The following TMEM233 variants were observed in gnomAD, a reference collection of about 807,000 sequenced individuals.
TMEM233 encodes the protein transmembrane protein 233.
A neutral mutation model predicts 11.2 loss-of-function variants in TMEM233; 6 were observed. The observed-to-expected ratio is 0.54, with a 90% CI of 0.29 to 1.06. The LOEUF (loss-of-function observed/expected upper bound fraction) is 1.06. TMEM233 is among the 50% of genes least tolerant of loss of function. TMEM233 has a pLI of 0.08. For missense variants in TMEM233, 127 were observed against 144.7 expected, an observed-to-expected ratio of 0.88 and a Z score of 0.63; for synonymous variants, 59 against 55.8, an observed-to-expected ratio of 1.06 and a Z score of -0.26.
intron 2 of TMEM233, chr12:119,634,157 G>A: frequency 1.6e-6 from 1 of 615,202 alleles, no homozygotes; most frequent in Non-Finnish European, 2.0e-6. Context: ...GCTAGGGAGG[G>A]GAATGAAGTT....
intron 1 of TMEM233, among the ~76,000 whole-genome samples, chr12:119,622,511 T>C (rs1213405564): frequency 1.3e-5 from 2 of 152,226 alleles, no homozygotes; most frequent in African/African-American, 2.4e-5. Context: ...ATGCATTTTC[T>C]CTAAAATCCA....
chr12:119,652,614 T>G, the TMEM233 span, among the ~76,000 whole-genome samples: 1 of 152,166 alleles, frequency 6.6e-6, no homozygotes, highest in Non-Finnish European at 1.5e-5. Context: ...GCCCCCATGG[T>G]GGCTGAAATT....
chr12:119,599,746 T>C (rs1048908424), intron 1 of TMEM233, among the ~76,000 whole-genome samples: 15 of 152,190 alleles, frequency 9.9e-5, no homozygotes, highest in African/African-American at 3.6e-4. Context: ...TATGAAGTCG[T>C]GGAACTGCCA....
intron 1 of TMEM233, among the ~76,000 whole-genome samples, chr12:119,622,729 C>T (rs982255627): frequency 3.3e-5 from 5 of 152,308 alleles, no homozygotes; most frequent in Admixed American, 1.3e-4. Flanking sequence ...CTCTCACTCT[C>T]GTCCCTCCCC....
At chr12:119,632,094 A>C (rs1443284348) in intron 2 of TMEM233, among the ~76,000 whole-genome samples, 1 of 152,236 alleles carries the variant, frequency 6.6e-6, no homozygotes, top group African/African-American at 2.4e-5. Context: ...CATACTGCCT[A>C]GATTAGTGTT....
intron 1 of TMEM233, among the ~76,000 whole-genome samples, chr12:119,626,509 G>C (rs1361400703): frequency 3.7e-5 from 3 of 80,462 alleles, no homozygotes; most frequent in Non-Finnish European, 8.2e-5. Flanking sequence ...GGAGGAGGAG[G>C]AGGAGGAGGA....
chr12:119,611,878 A>G (rs1464316970), intron 1 of TMEM233, among the ~76,000 whole-genome samples: 1 of 152,152 alleles, frequency 6.6e-6, no homozygotes, highest in African/African-American at 2.4e-5. Context: ...TCCCACCTAT[A>G]CAATAGGAAT....
the TMEM233 span, among the ~76,000 whole-genome samples, chr12:119,649,761 T>G: frequency 6.8e-6 from 1 of 148,042 alleles, no homozygotes; most frequent in Non-Finnish European, 1.5e-5. Context: ...GATCATCAAA[T>G]GCCAACACTG....
chr12:119,604,346 C>A (rs1954223574), intron 1 of TMEM233, among the ~76,000 whole-genome samples: 1 of 152,194 alleles, frequency 6.6e-6, no homozygotes, highest in Admixed American at 6.5e-5. Context: ...TTTTCGGAGC[C>A]TTTGGCAAAC....
intron 1 of TMEM233, among the ~76,000 whole-genome samples, chr12:119,617,565 G>A (rs756210029): frequency 2.4e-4 from 36 of 152,176 alleles, no homozygotes; most frequent in Non-Finnish European, 4.4e-4. Context: ...CGGGCACGGT[G>A]GCTCATGCCT....
rs975239987 is a variant in TMEM233 at position 119,642,761 on chromosome 12, T to A, written c.*2056T>A. 1 of 150,166 alleles carries A rather than the reference T, an allele frequency of 6.7e-6. No homozygotes were observed. Among genetic ancestry groups the A allele is most frequent in the Admixed American group, 6.7e-5 (1 of 14,996 alleles). The allele number at this position is 150,166 out of a possible 1,614,324, so 9.3% of individuals were successfully genotyped here. A position where few individuals can be genotyped will look rare whatever the true frequency, so the allele number is the denominator to read the frequency against. ...GGGAGAATTCTAAGTACTATACCAA[T>A]ACAAATTTCAGCATTTTTTCATATA... On this transcript the variant is annotated 3_prime_UTR_variant, in exon 3 of 3. Coordinates refer to ENST00000426426, the MANE Select transcript of TMEM233 (RefSeq NM_001136534.3).
downstream of TMEM233, among the ~76,000 whole-genome samples, chr12:119,646,933 G>C (rs1036837817): frequency 1.3e-5 from 2 of 152,172 alleles, no homozygotes; most frequent in Admixed American, 6.5e-5. Context: ...ATCTTGCTTT[G>C]ACATCCATTC....
Position 119,641,191 on chromosome 12 carries a change from C to T in TMEM233, c.*486C>T, listed in dbSNP as rs978221031. ...TAGTAGAGTTCAAGTTGTGGATTTG[C>T]TTTTCCTTTTATTCTTATAACCTTC... On this transcript the variant is annotated 3_prime_UTR_variant, in exon 3 of 3. Coordinates refer to ENST00000426426, the MANE Select transcript of TMEM233 (RefSeq NM_001136534.3). 1.3e-5 allele frequency: 2 copies of T among 153,996 alleles called. No individual in the cohort carries two copies. The highest frequency in any genetic ancestry group is 2.9e-5 in the Non-Finnish European group (2 of 69,302). 9.5% of individuals were successfully genotyped at this position (153,996 alleles called of 1,614,324 possible).
intron 1 of TMEM233, among the ~76,000 whole-genome samples, chr12:119,609,538 G>T (rs1026840421): frequency 6.6e-6 from 1 of 152,160 alleles, no homozygotes; most frequent in African/African-American, 2.4e-5. Flanking sequence ...AGGCTTAGGA[G>T]GGAAAAATGG....
At chr12:119,609,246 T>A (rs1274655025) in intron 1 of TMEM233, among the ~76,000 whole-genome samples, 2 of 152,168 alleles carry the variant, frequency 1.3e-5, no homozygotes, top group East Asian at 3.9e-4. Context: ...GCCCTAGAGA[T>A]CTGTGGAACT....
At chr12:119,611,935 G>T (rs1318905954) in intron 1 of TMEM233, among the ~76,000 whole-genome samples, 2 of 151,990 alleles carry the variant, frequency 1.3e-5, no homozygotes, top group Non-Finnish European at 2.9e-5. Context: ...GTGAGATAGT[G>T]TTGGGCCACT....
At chr12:119,636,981 C>T (rs1297374140) in intron 2 of TMEM233, among the ~76,000 whole-genome samples, 2 of 152,116 alleles carry the variant, frequency 1.3e-5, no homozygotes, top group African/African-American at 4.8e-5. Context: ...GGGTTGAGAG[C>T]CCACTGAAGT....
At chr12:119,650,284 C>A in the TMEM233 span, among the ~76,000 whole-genome samples, 1 of 152,090 alleles carries the variant, frequency 6.6e-6, no homozygotes, top group South Asian at 2.1e-4. Context: ...ATATAAATAC[C>A]ATTAACTTCT....
chr12:119,634,229 C>T, intron 2 of TMEM233: 1 of 985,302 alleles, frequency 1.0e-6, no homozygotes, highest in Non-Finnish European at 1.2e-6. Flanking sequence ...CACAGAGGGG[C>T]TGGAAAATCT....
Sources: allele counts gnomAD v4.1 joint callset (sites outside exome capture counted in the v4.1 genomes callset), GRCh38; gene constraint gnomAD v4.1.1; transcripts MANE v1.5; gene names NCBI Gene and HGNC (gene_info 2026-07-23, HGNC 2026-07-21).